Variants in NIF3L1 observed in about 807,000 individuals in gnomAD.
NIF3L1 encodes NGG1 interacting factor 3 like 1.
Under a neutral mutation model 35.0 loss-of-function variants are expected in NIF3L1, and 26 were observed. The observed-to-expected ratio is 0.74, with a 90% CI of 0.54 to 1.03. The LOEUF (loss-of-function observed/expected upper bound fraction) is 1.03. Among genes scored for constraint, NIF3L1 ranks in the 50% least tolerant of loss-of-function variants. The pLI is 0.00. For missense variants in NIF3L1, 449 were observed against 466.3 expected (o/e 0.96, Z 0.34); for synonymous variants, 157 against 178.9 (o/e 0.88, Z 0.98).
At chr2:200,899,532 GA>G in intron 6 of NIF3L1, 64 bp downstream of exon 6, 1 of 1,136,580 alleles carries the variant, frequency 8.8e-7, no homozygotes, top group South Asian at 1.2e-5. Flanking sequence ...CAAATTTTAG[GA>G]CAGTACCTGG....
Position 200,892,219 on chromosome 2 carries a change from C to A in NIF3L1, c.276C>A (p.Tyr92Ter), listed in dbSNP as rs1469686388. Residue 92 changes from tyrosine (Y) to a stop codon, truncating the protein, a stop_gained, in exon 2 of 7, where the codon TAC becomes TAA. Transcript: ENST00000409020. LOFTEE classifies it high-confidence loss of function. The stretch of plus-strand genomic sequence containing the variant: ...AGAAGGCAGACCTCATTCTCTCCTA[C>A]CATCCGCCTATCTTCCGACCCATGA... ...LQKKADLILSYHPPIFRPMKR... is the reference protein window; with the variant it reads ...LQKKADLILS The A allele has an allele frequency of 6.2e-7, 1 of 1,614,232 alleles. No homozygotes were observed. Among genetic ancestry groups the A allele is most frequent in the Non-Finnish European group, 8.5e-7 (1 of 1,180,044 alleles).
At chr2:200,895,242 T>C in intron 3 of NIF3L1, 22 bp from the exon 4 acceptor site, 1 of 1,610,700 alleles carries the variant, frequency 6.2e-7, no homozygotes, top group Non-Finnish European at 8.5e-7. Flanking sequence ...TTGTCCTAAA[T>C]GGAGTGATTT....
intron 1 of NIF3L1, among the ~76,000 whole-genome samples, chr2:200,891,159 G>T (rs1404327853): frequency 2.6e-5 from 4 of 151,950 alleles, no homozygotes; most frequent in Admixed American, 6.6e-5. Context: ...GTTTCACCAC[G>T]TTGGCCAGGA....
chr2:200,899,566 T>C, intron 6 of NIF3L1, 98 bp downstream of exon 6: 2 of 758,164 alleles, frequency 2.6e-6, no homozygotes, highest in Non-Finnish European at 4.6e-6. Flanking sequence ...ACCTAATTAA[T>C]GTTTTCTGAA....
At chr2:200,894,056 C>T (rs952460165) in intron 3 of NIF3L1, among the ~76,000 whole-genome samples, 3 of 151,844 alleles carry the variant, frequency 2.0e-5, no homozygotes, top group Non-Finnish European at 4.4e-5. Context: ...TGCCTGTAAT[C>T]CCAGCTACTC....
At position 200,897,126 on chromosome 2, in the gene NIF3L1, T is replaced by G; in HGVS notation, c.777T>G (p.Ser259=). 6.2e-7 allele frequency: 1 copy of G among 1,614,052 alleles called. No homozygotes were observed. The highest frequency in any genetic ancestry group is 8.5e-7 in the Non-Finnish European group (1 of 1,179,916). ...GMGRLCTLDE[S]VSLATMIDRI... is the part of the protein sequence containing the mutation. Reference sequence around the variant, plus strand: ...GACGGTTATGCACACTGGATGAATCTGTCTCCCTGGCAACCATGATTGATC... The same window carrying G: ...GACGGTTATGCACACTGGATGAATCGGTCTCCCTGGCAACCATGATTGATC... The change falls in exon 5 of 7, where the codon TCT becomes TCG. Residue 259 remains serine (S), a synonymous_variant. Coordinates refer to ENST00000409020, the MANE Select transcript of NIF3L1 (RefSeq NM_001369441.2).
At chr2:200,902,978 G>A (rs2040432994) in intron 6 of NIF3L1, among the ~76,000 whole-genome samples, 1 of 152,144 alleles carries the variant, frequency 6.6e-6, no homozygotes, top group Admixed American at 6.5e-5. Flanking sequence ...TAAGGAAAAA[G>A]AAGTTGGAAT....
At chr2:200,893,195 C>T in intron 2 of NIF3L1, 51 bp from the exon 3 acceptor site, 1 of 1,402,410 alleles carries the variant, frequency 7.1e-7, no homozygotes, top group Non-Finnish European at 9.5e-7. Context: ...ACTTTTAAAT[C>T]TTAATCTCTC....
chr2:200,899,416 T>C lies in NIF3L1; in HGVS notation c.897T>C (p.Ala299=), dbSNP rs2040376208. 1 of 1,614,158 alleles carries C rather than the reference T, an allele frequency of 6.2e-7. No individual in the cohort carries two copies. The highest frequency in any genetic ancestry group is 8.5e-7 in the Non-Finnish European group (1 of 1,180,006). ...ESQVKVVALC[A]GSGSSVLQGV... ...AAGTCAAAGTCGTGGCCCTGTGTGC[T>C]GGTTCTGGGAGCAGCGTTCTGCAGG... Residue 299 remains alanine, a synonymous_variant, in exon 6 of 7, where the codon GCT becomes GCC. Coordinates refer to ENST00000409020, the MANE Select transcript of NIF3L1 (RefSeq NM_001369441.2).
intron 5 of NIF3L1, among the ~76,000 whole-genome samples, chr2:200,898,654 T>A (rs892346623): frequency 8.6e-5 from 13 of 151,614 alleles, no homozygotes; most frequent in African/African-American, 3.1e-4. Context: ...GCCCCCTCTT[T>A]GAGATACCCT....
At chr2:200,895,944 T>C (rs1191960987) in intron 4 of NIF3L1, among the ~76,000 whole-genome samples, 7 of 151,862 alleles carry the variant, frequency 4.6e-5, no homozygotes. Flanking sequence ...TCAAATTCAG[T>C]ATATCCAAAT....
At chr2:200,892,516 G>A (rs945100548) in intron 2 of NIF3L1, 137 bp downstream of exon 2, 7 of 652,958 alleles carry the variant, frequency 1.1e-5, no homozygotes, top group Non-Finnish European at 1.7e-5. Context: ...TTAAAATAAT[G>A]TTGCTGAAAT....
Position 200,903,494 on chromosome 2 carries a change from G to C in NIF3L1, c.950G>C (p.Gly317Ala). The change falls in exon 7 of 7, where the codon GGT becomes GCT. Residue 317 changes from glycine (G) to alanine (A), a missense_variant and splice_region_variant. By Grantham distance (60) the Gly-to-Ala change is moderately conservative. Transcript: ENST00000409020. ...GAATTTGCTCTTCCCTTTTTGGTAG[G>C]TGAGATGTCCCATCATGATACTTTG... ...QGVEADLYLT[G>A]EMSHHDTLDA... is the part of the protein sequence containing the mutation. The C allele has an allele frequency of 1.2e-6, 2 of 1,609,244 alleles. No homozygotes were observed. The highest frequency in any genetic ancestry group is 1.1e-5 in the South Asian group (1 of 90,820).
intron 6 of NIF3L1, 120 bp from the exon 7 acceptor site, chr2:200,903,374 G>A (rs2040440270): frequency 1.3e-6 from 1 of 763,118 alleles, no homozygotes; most frequent in Admixed American, 2.3e-5. Flanking sequence ...ATGTAAAACA[G>A]TTCTGCTCTA....
In NIF3L1 at chr2:200,903,483, C is replaced by T. The variant is rs2040442124; in HGVS notation, c.950-11C>T. 1 of 1,607,834 alleles carries T rather than the reference C, an allele frequency of 6.2e-7. No homozygotes were observed. Among genetic ancestry groups the T allele is most frequent in the African/African-American group, 1.3e-5 (1 of 74,714 alleles). Reference sequence around the variant, plus strand: ...TTAGCATTTAAGAATTTGCTCTTCCCTTTTTGGTAGGTGAGATGTCCCATC... The same window carrying T: ...TTAGCATTTAAGAATTTGCTCTTCCTTTTTTGGTAGGTGAGATGTCCCATC... On this transcript the variant is annotated splice_polypyrimidine_tract_variant and intron_variant, in intron 6 of 6. Transcript: ENST00000409020.
chr2:200,898,800 T>C (rs140500341), intron 5 of NIF3L1, among the ~76,000 whole-genome samples: 1 of 152,358 alleles, frequency 6.6e-6, no homozygotes, highest in Non-Finnish European at 1.5e-5. Context: ...TATTTAAAAA[T>C]AGTGCCAAAT....
chr2:200,892,041 T>C lies in NIF3L1; in HGVS notation c.98T>C (p.Leu33Pro). 1 of 1,614,170 alleles carries C rather than the reference T, an allele frequency of 6.2e-7. No homozygotes were observed. The highest frequency in any genetic ancestry group is 1.3e-5 in the African/African-American group (1 of 75,054). The stretch of plus-strand genomic sequence containing the variant: ...CGTTCCTTCATGGATTTGAAGGCTC[T>C]CCTTTCTTCCTTGAATGACTTTGCA... Reference protein sequence around the residue: ...SSRSFMDLKALLSSLNDFASL... With the variant: ...SSRSFMDLKAPLSSLNDFASL... The change falls in exon 2 of 7, where the codon CTC becomes CCC. Residue 33 changes from leucine (L) to proline (P), a missense_variant. Coordinates refer to ENST00000409020, the MANE Select transcript of NIF3L1 (RefSeq NM_001369441.2).
At chr2:200,897,462 A>G (rs2040337688) in intron 5 of NIF3L1, among the ~76,000 whole-genome samples, 1 of 152,128 alleles carries the variant, frequency 6.6e-6, no homozygotes, top group Non-Finnish European at 1.5e-5. Flanking sequence ...AAGTCTGACC[A>G]TTGTAGACTG....
At position 200,892,387 on chromosome 2, in the gene NIF3L1, G is replaced by A. The variant is rs774169567; in HGVS notation, c.436+8G>A. The A allele has an allele frequency of 6.4e-7, 1 of 1,556,786 alleles. No individual in the cohort carries two copies. On this transcript the variant is annotated splice_region_variant and intron_variant, in intron 2 of 6. Transcript: ENST00000409020. ...GGTTGGCTAAAGGGCTTGGTGAGAA[G>A]CCTCTTTCATATTTGATATTTTCCC...
Sources: gnomAD v4.1 joint callset for allele counts (sites outside exome capture counted in the v4.1 genomes callset) on GRCh38, gnomAD v4.1.1 for gene constraint, MANE v1.5 for transcripts, NCBI Gene and HGNC (gene_info 2026-07-23, HGNC 2026-07-21) for gene names.